CDH4: variants seen among roughly 807,000 people sequenced by gnomAD.
CDH4 encodes cadherin 4.
In CDH4, 33 loss-of-function variants were observed where a neutral mutation model predicts 86.0. The ratio of observed to expected loss-of-function variants is 0.38; its 90% CI spans 0.29 to 0.51. The LOEUF (loss-of-function observed/expected upper bound fraction) is 0.51, where lower values mean the gene tolerates loss of function less well. Among genes scored for constraint, CDH4 ranks in the 20% least tolerant of loss-of-function variants. The pLI is 0.86. For synonymous variants in CDH4, 555 were observed against 549.4 expected, an observed-to-expected ratio of 1.01 and a Z score of -0.14; for missense variants, 1,114 against 1,307.4, an observed-to-expected ratio of 0.85 and a Z score of 2.28.
At chr20:61,721,193 G>T (rs914992546) in intron 2 of CDH4, among the ~76,000 whole-genome samples, 2 of 152,178 alleles carry the variant, frequency 1.3e-5, no homozygotes, top group Non-Finnish European at 2.9e-5. Context: ...CAGCCAGAAG[G>T]GTCCAGTCCA....
At chr20:61,542,223 G>A (rs897239155) in intron 2 of CDH4, among the ~76,000 whole-genome samples, 4 of 152,166 alleles carry the variant, frequency 2.6e-5, no homozygotes, top group African/African-American at 9.7e-5. Context: ...ACTGATAGAG[G>A]CTGCTTCCGA....
intron 4 of CDH4, among the ~76,000 whole-genome samples, chr20:61,841,773 GTGCGC>G (rs1441055504): frequency 2.0e-5 from 3 of 149,940 alleles, no homozygotes; most frequent in Non-Finnish European, 1.5e-5. Flanking sequence ...GTGTGCGCGC[GTGCGC>G]GCACCGTGGG....
chr20:61,652,467 T>A (rs561265844), intron 2 of CDH4, among the ~76,000 whole-genome samples: 1 of 152,360 alleles, frequency 6.6e-6, no homozygotes, highest in Admixed American at 6.5e-5. Flanking sequence ...TATTTAAGCG[T>A]CCTTTATGAC....
At chr20:61,284,101 C>A (rs759564609) in intron 2 of CDH4, among the ~76,000 whole-genome samples, 15 of 150,744 alleles carry the variant, frequency 1.0e-4, no homozygotes, top group African/African-American at 1.5e-4. Flanking sequence ...GTCAGGAGAT[C>A]GAGACCATCC....
At chr20:61,626,996 C>G (rs543876220) in intron 2 of CDH4, among the ~76,000 whole-genome samples, 1 of 152,208 alleles carries the variant, frequency 6.6e-6, no homozygotes, top group South Asian at 2.1e-4. Context: ...CACACGGTGG[C>G]AAGAGGAGCC....
chr20:61,858,289 G>A (rs200165387), intron 6 of CDH4, among the ~76,000 whole-genome samples: 180 of 150,912 alleles, frequency 1.2e-3, no homozygotes, highest in Non-Finnish European at 1.9e-3. Flanking sequence ...GTCTGTGTCT[G>A]TGTGTGTGTC....
intron 2 of CDH4, among the ~76,000 whole-genome samples, chr20:61,347,562 A>G (rs1028190993): frequency 1.3e-5 from 2 of 152,236 alleles, no homozygotes; most frequent in Admixed American, 1.3e-4. Flanking sequence ...TGTCAGTGCT[A>G]TTTAAAATGA....
intron 2 of CDH4, among the ~76,000 whole-genome samples, chr20:61,353,683 C>G (rs1358183719): frequency 1.0e-4 from 1 of 9,718 alleles, no homozygotes; most frequent in Non-Finnish European, 1.9e-4. Flanking sequence ...CCTCCTCCTC[C>G]CCCTCCTCCT....
chr20:61,934,308 A>C (rs2055152613), intron 15 of CDH4, 88 bp downstream of exon 15: 1 of 1,390,486 alleles, frequency 7.2e-7, no homozygotes, highest in African/African-American at 1.5e-5. Context: ...CCATCTCCAC[A>C]GTGCCGGCGG....
rs1347509158 is a variant in CDH4 at position 61,726,842 on chromosome 20, TCAC to T, written c.170-16718_170-16716del. Among the ~76,000 whole-genome samples the T allele has an allele frequency of 4.5e-3, 677 of 151,478 alleles. 3 individuals carry two copies. The highest frequency in any genetic ancestry group is 0.016 in the African/African-American group (651 of 41,212). On this transcript the variant is annotated intron_variant, in intron 2 of 15. Coordinates refer to ENST00000614565, the MANE Select transcript of CDH4 (RefSeq NM_001794.5). ...GCCATCATCACCATCACTGCCATCA[TCAC>T]CATCACTGCCATCATCATCACCATC...
intron 2 of CDH4, among the ~76,000 whole-genome samples, chr20:61,547,784 A>C (rs2086099643): frequency 6.6e-6 from 1 of 152,218 alleles, no homozygotes; most frequent in South Asian, 2.1e-4. Flanking sequence ...TCACTTGAGC[A>C]TCTGAAATCG....
At chr20:61,316,881 G>A (rs757864165) in intron 2 of CDH4, among the ~76,000 whole-genome samples, 1 of 152,182 alleles carries the variant, frequency 6.6e-6, no homozygotes, top group Non-Finnish European at 1.5e-5. Flanking sequence ...AGGGCTGGGT[G>A]GGGAGGCGCC....
At chr20:61,388,881 A>G (rs1377246602) in intron 2 of CDH4, among the ~76,000 whole-genome samples, 2 of 152,236 alleles carry the variant, frequency 1.3e-5, no homozygotes, top group East Asian at 1.9e-4. Context: ...AATATACTAT[A>G]TTTAAGCCCT....
At chr20:61,502,970 C>A (rs567221612) in intron 2 of CDH4, among the ~76,000 whole-genome samples, 1 of 152,098 alleles carries the variant, frequency 6.6e-6, no homozygotes, top group Non-Finnish European at 1.5e-5. Context: ...CATTTCTGCA[C>A]GCCAAAGATG....
chr20:61,895,086 G>T, intron 8 of CDH4, 39 bp downstream of exon 8: 1 of 1,607,376 alleles, frequency 6.2e-7, no homozygotes, highest in Non-Finnish European at 8.5e-7. Flanking sequence ...CATGGCCCGT[G>T]CAGGGCAGGA....
chr20:61,644,416 C>T (rs1345159897), intron 2 of CDH4, among the ~76,000 whole-genome samples: 1 of 152,218 alleles, frequency 6.6e-6, no homozygotes, highest in Non-Finnish European at 1.5e-5. Context: ...AGTGAACCCG[C>T]CTGGTGCCTT....
At chr20:61,780,003 A>G (rs568046736) in intron 4 of CDH4, among the ~76,000 whole-genome samples, 13 of 152,294 alleles carry the variant, frequency 8.5e-5, no homozygotes, top group Non-Finnish European at 1.8e-4. Flanking sequence ...TGTGTGTACA[A>G]ATGACTCACG....
At chr20:61,766,319 G>T (rs934686803) in intron 3 of CDH4, among the ~76,000 whole-genome samples, 1 of 152,042 alleles carries the variant, frequency 6.6e-6, no homozygotes, top group African/African-American at 2.4e-5. Flanking sequence ...CCCCGAGTTC[G>T]CCTGCCCCCC....
intron 2 of CDH4, among the ~76,000 whole-genome samples, chr20:61,540,135 G>A (rs1398526715): frequency 6.6e-6 from 1 of 152,184 alleles, no homozygotes; most frequent in African/African-American, 2.4e-5. Flanking sequence ...AGGTCCTCCT[G>A]GAGCAGGGCC....
Sources: allele counts gnomAD v4.1 joint callset (sites outside exome capture counted in the v4.1 genomes callset), GRCh38; gene constraint gnomAD v4.1.1; transcripts MANE v1.5; gene names NCBI Gene and HGNC (gene_info 2026-07-23, HGNC 2026-07-21).